Variants in FLT1 observed in about 807,000 individuals in gnomAD.
The protein encoded by FLT1 is fms related receptor tyrosine kinase 1, also known as vascular endothelial growth factor receptor 1.
FLT1 carries 49 observed loss-of-function variants against 156.3 expected under a neutral mutation model. The ratio of observed to expected loss-of-function variants is 0.31; its 90% CI spans 0.25 to 0.40. FLT1 has a LOEUF of 0.40. Ranked by LOEUF, FLT1 falls within the 10% of genes least tolerant of loss-of-function variation. The pLI is 1.00. For synonymous variants in FLT1, 594 were observed against 583.8 expected (o/e 1.02, Z -0.25); for missense variants, 1,322 against 1,637.2 (o/e 0.81, Z 3.32).
At chr13:28,368,411 C>T in intron 14 of FLT1, 1 of 1,416,540 alleles carries the variant, frequency 7.1e-7, no homozygotes, top group Admixed American at 2.4e-5. Context: ...CTTGGCCTCC[C>T]AAAGTGCTGG....
intron 1 of FLT1, among the ~76,000 whole-genome samples, chr13:28,487,736 C>T (rs578238728): frequency 2.8e-4 from 42 of 152,178 alleles, no homozygotes; most frequent in African/African-American, 8.2e-4. Flanking sequence ...GGATACTTAC[C>T]GCTGCTGGTT....
chr13:28,473,698 AAAAGAAAG>A (rs1351953423), intron 1 of FLT1, among the ~76,000 whole-genome samples: 8 of 102,020 alleles, frequency 7.8e-5, no homozygotes, highest in Non-Finnish European at 1.5e-4. Flanking sequence ...AGAGAGAAAG[AAAAGAAAG>A]AAAGAAAGAA....
chr13:28,306,543 T>A, intron 29 of FLT1, 135 bp downstream of exon 29: 1 of 716,668 alleles, frequency 1.4e-6, no homozygotes, highest in South Asian at 1.5e-5. Flanking sequence ...GGGGAAATGG[T>A]TTTCTGCAAC....
chr13:28,417,865 C>T (rs756467770), intron 10 of FLT1, among the ~76,000 whole-genome samples: 1 of 152,062 alleles, frequency 6.6e-6, no homozygotes, highest in African/African-American at 2.4e-5. Flanking sequence ...CTCTATGTCC[C>T]CATTTCATTC....
intron 11 of FLT1, among the ~76,000 whole-genome samples, chr13:28,398,757 G>C (rs1184438164): frequency 6.6e-6 from 1 of 152,200 alleles, no homozygotes; most frequent in Non-Finnish European, 1.5e-5. Context: ...TCAAGGCATT[G>C]CCCAGATGTT....
At chr13:28,473,703 AAAG>A (rs1344546184) in intron 1 of FLT1, among the ~76,000 whole-genome samples, 20 of 62,866 alleles carry the variant, frequency 3.2e-4, no homozygotes, top group African/African-American at 1.7e-3. Context: ...GAAAGAAAAG[AAAG>A]AAAGAAAGAA....
At chr13:28,334,699 C>T (rs550242183) in intron 17 of FLT1, among the ~76,000 whole-genome samples, 240 of 152,306 alleles carry the variant, frequency 1.6e-3, no homozygotes, top group African/African-American at 5.3e-3. Flanking sequence ...TACAAATCCT[C>T]GTGGTTCAGC....
intron 1 of FLT1, among the ~76,000 whole-genome samples, chr13:28,493,044 TAA>T (rs1352991950): frequency 5.9e-5 from 9 of 152,304 alleles, no homozygotes; most frequent in South Asian, 4.1e-4. Context: ...CACATTTCTG[TAA>T]AGTTTCCACT....
At chr13:28,446,984 G>A (rs1878650053) in intron 3 of FLT1, among the ~76,000 whole-genome samples, 2 of 152,024 alleles carry the variant, frequency 1.3e-5, no homozygotes, top group Non-Finnish European at 2.9e-5. Flanking sequence ...GAACCCATGT[G>A]TCTATGGCCA....
chr13:28,389,482 G>A, intron 13 of FLT1: 1 of 1,405,342 alleles, frequency 7.1e-7, no homozygotes, highest in Non-Finnish European at 9.2e-7. Context: ...AGAAGGCAGT[G>A]CAGGGATCCT....
rs1391134090 is a variant in FLT1 at position 28,438,323 on chromosome 13, C to T, written c.411G>A (p.Glu137=). The change falls in exon 4 of 30, where the codon GAG becomes GAA. Residue 137 remains glutamate (E), a synonymous_variant. Transcript: ENST00000282397. ...FISDTGRPFV[E]MYSEIPEIIH... ...TAATTTCGGGGATTTCACTGTACAT[C>T]TCTACGAAAGGTCTACCTGTATCTG... The T allele has an allele frequency of 6.2e-7, 1 of 1,611,232 alleles. No homozygotes were observed. The highest frequency in any genetic ancestry group is 1.3e-5 in the African/African-American group (1 of 74,956).
rs1156287806 is a variant in FLT1, at chr13:28,433,934, T to C, written c.698A>G (p.Gln233Arg). ...TTTGACTGGGCGTGGTGTGCTTATT[T>C]GGACATCTATGATTGTATTGGCTGC... is the stretch of plus-strand genomic sequence containing the variant. ...HRQTNTIIDV[Q>R]ISTPRPVKLL... Residue 233 changes from glutamine (Q) to arginine (R), a missense_variant, in exon 6 of 30, where the codon CAA becomes CGA. Physicochemically the swap from Gln to Arg is conservative, Grantham distance 43. Coordinates refer to ENST00000282397, the MANE Select transcript of FLT1 (RefSeq NM_002019.4). 1.2e-6 allele frequency: 2 copies of C among 1,614,070 alleles called. No individual in the cohort carries two copies. The highest frequency in any genetic ancestry group is 1.3e-5 in the African/African-American group (1 of 74,936).
intron 10 of FLT1, among the ~76,000 whole-genome samples, chr13:28,418,902 C>T (rs1177751503): frequency 6.6e-6 from 1 of 151,976 alleles, no homozygotes; most frequent in Non-Finnish European, 1.5e-5. Context: ...TCTGAAAACA[C>T]CTGAGAAATA....
chr13:28,415,187 A>C (rs1339498269), intron 10 of FLT1, among the ~76,000 whole-genome samples: 1 of 152,214 alleles, frequency 6.6e-6, no homozygotes, highest in Non-Finnish European at 1.5e-5. Context: ...TGTCAATAAT[A>C]GCACCACTTT....
At chr13:28,349,281 A>T (rs1371004411) in intron 15 of FLT1, among the ~76,000 whole-genome samples, 1 of 152,180 alleles carries the variant, frequency 6.6e-6, no homozygotes, top group African/African-American at 2.4e-5. Context: ...GGTTGATTGA[A>T]AATAACTTCC....
At chr13:28,419,406 A>T (rs1054269791) in intron 10 of FLT1, among the ~76,000 whole-genome samples, 1 of 152,218 alleles carries the variant, frequency 6.6e-6, no homozygotes, top group Non-Finnish European at 1.5e-5. Context: ...TTGTGTCAGG[A>T]CATTAGTTTC....
At chr13:28,395,339 T>C (rs567889112) in intron 12 of FLT1, among the ~76,000 whole-genome samples, 48 of 152,200 alleles carry the variant, frequency 3.2e-4, no homozygotes, top group Non-Finnish European at 7.3e-5. Flanking sequence ...TCTCTTCCTG[T>C]TCAGGTCCTG....
At chr13:28,325,235 T>G (rs1871628167) in intron 20 of FLT1, among the ~76,000 whole-genome samples, 1 of 152,200 alleles carries the variant, frequency 6.6e-6, no homozygotes, top group East Asian at 1.9e-4. Context: ...TTCTGCTGGC[T>G]TAGCTCTTCC....
chr13:28,392,688 G>C (rs1374326700), intron 12 of FLT1, among the ~76,000 whole-genome samples: 1 of 152,182 alleles, frequency 6.6e-6, no homozygotes, highest in Non-Finnish European at 1.5e-5. Flanking sequence ...TGCATTTAGT[G>C]ACATTGGGAA....
Sources: allele counts gnomAD v4.1 joint callset (sites outside exome capture counted in the v4.1 genomes callset), GRCh38; gene constraint gnomAD v4.1.1; transcripts MANE v1.5; gene names NCBI Gene and HGNC (gene_info 2026-07-23, HGNC 2026-07-21).